The following PPFIA1 variants were observed in gnomAD, a reference collection of about 807,000 sequenced individuals.
PPFIA1 encodes the protein PPFI scaffold protein A1.
PPFIA1 carries 25 observed loss-of-function variants against 149.9 expected under a neutral mutation model. The observed-to-expected ratio is 0.17, with a 90% CI of 0.12 to 0.23. The LOEUF (loss-of-function observed/expected upper bound fraction) is 0.23, where lower values mean the gene tolerates loss of function less well. Among genes scored for constraint, PPFIA1 ranks in the 10% least tolerant of loss-of-function variants. PPFIA1 has a pLI of 1.00. For missense variants in PPFIA1, 1,362 were observed against 1,506.5 expected (o/e 0.90, Z 1.59); for synonymous variants, 549 against 552.8 (o/e 0.99, Z 0.10).
intron 2 of PPFIA1, among the ~76,000 whole-genome samples, chr11:70,303,038 T>C (rs529110671): frequency 1.3e-5 from 2 of 152,338 alleles, no homozygotes; most frequent in Admixed American, 1.3e-4. Flanking sequence ...TGTCACAGGC[T>C]GAAAGGAAAG....
rs755147763 is a variant in PPFIA1, at chr11:70,335,670, G to A, written c.1404G>A (p.Glu468=). The A allele has an allele frequency of 6.2e-7, 1 of 1,614,056 alleles. No individual in the cohort carries two copies. The highest frequency in any genetic ancestry group is 8.5e-7 in the Non-Finnish European group (1 of 1,179,986). The change falls in exon 11 of 28, where the codon GAG becomes GAA. Residue 468 remains glutamate (E), a synonymous_variant. Transcript: ENST00000253925. ...SNERLQLHLK[E]RMAALEDKNS... is the part of the protein sequence containing the mutation. ...AGAGGCTTCAACTTCATCTTAAAGA[G>A]AGAATGGCTGCTTTGGAAGATAAGG... is the stretch of plus-strand genomic sequence containing the variant.
intron 23 of PPFIA1, chr11:70,373,350 C>G (rs1181795381): frequency 6.6e-6 from 1 of 152,484 alleles, no homozygotes; most frequent in Admixed American, 6.5e-5. Context: ...GCCTTAGCCT[C>G]CCTAGTAGCT....
intron 7 of PPFIA1, 145 bp downstream of exon 7, chr11:70,326,963 G>GA: frequency 1.4e-6 from 1 of 725,004 alleles, no homozygotes; most frequent in African/African-American, 1.8e-5. Context: ...TTGAAAAAGA[G>GA]AGAGTGCTGT....
chr11:70,289,077 C>T (rs1362673735), intron 2 of PPFIA1, among the ~76,000 whole-genome samples: 2 of 151,116 alleles, frequency 1.3e-5, no homozygotes, highest in Non-Finnish European at 2.9e-5. Context: ...AAGCAATTCT[C>T]CTGCCTCACT....
At chr11:70,291,445 G>A (rs572809294) in intron 2 of PPFIA1, among the ~76,000 whole-genome samples, 54 of 152,266 alleles carry the variant, frequency 3.5e-4, no homozygotes, top group Non-Finnish European at 6.3e-4. Context: ...ATGCAGAAAG[G>A]CTTAAAGAAA....
At chr11:70,306,332 AC>A (rs1306975077) in intron 2 of PPFIA1, among the ~76,000 whole-genome samples, 2 of 152,214 alleles carry the variant, frequency 1.3e-5, no homozygotes, top group African/African-American at 4.8e-5. Context: ...AACATTAAAA[AC>A]ATTGATAGTT....
At chr11:70,324,551 G>A in intron 3 of PPFIA1, 48 bp downstream of exon 3, 1 of 1,462,236 alleles carries the variant, frequency 6.8e-7, no homozygotes, top group Non-Finnish European at 9.5e-7. Flanking sequence ...GCCACTGTCA[G>A]GAGGAGGGGC....
intron 2 of PPFIA1, among the ~76,000 whole-genome samples, chr11:70,274,626 A>G (rs1480288741): frequency 6.6e-6 from 1 of 152,172 alleles, no homozygotes; most frequent in Non-Finnish European, 1.5e-5. Context: ...AACAGACAGA[A>G]CTTATTCTTT....
At chr11:70,378,602 TACATTTTTAAGA>T (rs762805628) in intron 26 of PPFIA1, 23 of 349,946 alleles carry the variant, frequency 6.6e-5, no homozygotes, top group Non-Finnish European at 2.0e-5. Flanking sequence ...AATAACTGAG[TACATTTTTAAGA>T]ACACACAGTT....
chr11:70,307,891 A>T (rs1239224397), intron 2 of PPFIA1, among the ~76,000 whole-genome samples: 1 of 152,206 alleles, frequency 6.6e-6, no homozygotes, highest in Non-Finnish European at 1.5e-5. Context: ...ACAGCACGGC[A>T]CTCCAGCCTG....
chr11:70,337,362 C>T lies in PPFIA1; in HGVS notation c.1429-3C>T. 1 of 1,577,594 alleles carries T rather than the reference C, an allele frequency of 6.3e-7. No homozygotes were observed. Among genetic ancestry groups the T allele is most frequent in the Non-Finnish European group, 8.6e-7 (1 of 1,157,666 alleles). On this transcript the variant is annotated splice_polypyrimidine_tract_variant and splice_region_variant and intron_variant, in intron 11 of 27. Coordinates refer to ENST00000253925, the MANE Select transcript of PPFIA1 (RefSeq NM_003626.5). Reference sequence around the variant, plus strand: ...CACTAAAGGACTATCTGTCTTTTTTCAGAACTCTCTTTTAAGAGAAGTTGA... The same window carrying T: ...CACTAAAGGACTATCTGTCTTTTTTTAGAACTCTCTTTTAAGAGAAGTTGA...
In PPFIA1 at chr11:70,349,280, C is replaced by A. The variant is rs1438402957; in HGVS notation, c.2163+860C>A. Among the ~76,000 whole-genome samples, 4 of 152,154 alleles carry A rather than the reference C, an allele frequency of 2.6e-5. No homozygotes were observed. The South Asian group carries it at 6.2e-4, about 24-fold the overall frequency. ...TAGGGTCACCTCTCACCTGGAAATG[C>A]AATGACCTTCTGGTGTTTGGTGTTT... On this transcript the variant is annotated intron_variant, in intron 16 of 27. Coordinates refer to ENST00000253925, the MANE Select transcript of PPFIA1 (RefSeq NM_003626.5).
chr11:70,304,393 C>T (rs1383138763), intron 2 of PPFIA1, among the ~76,000 whole-genome samples: 1 of 152,060 alleles, frequency 6.6e-6, no homozygotes, highest in East Asian at 1.9e-4. Flanking sequence ...GTCTCAAATT[C>T]CTGGCCTTAA....
In PPFIA1 at chr11:70,272,386, G is replaced by A; in HGVS notation, c.214G>A (p.Gly72Ser). Residue 72 changes from glycine to serine, a missense_variant, in exon 2 of 28, where the codon GGT becomes AGT. By Grantham distance (56) the Gly-to-Ser change is moderately conservative. Coordinates refer to ENST00000253925, the MANE Select transcript of PPFIA1 (RefSeq NM_003626.5). ...ALTQGKLHEV[G>S]HERDSLQRQL... is the part of the protein sequence containing the mutation. ...AACCCAGGGGAAGTTACACGAGGTT[G>A]GTCATGAAAGAGATTCCTTGCAGAG... 6.2e-7 allele frequency: 1 copy of A among 1,614,166 alleles called. No homozygotes were observed. The highest frequency in any genetic ancestry group is 8.5e-7 in the Non-Finnish European group (1 of 1,180,026).
At chr11:70,335,528 G>A (rs779265969) in intron 10 of PPFIA1, 35 bp from the exon 11 acceptor site, 59 of 1,606,844 alleles carry the variant, frequency 3.7e-5, no homozygotes, top group South Asian at 2.5e-4. Context: ...GAGGATTTAC[G>A]TGAGGTTTAT....
chr11:70,381,737 G>GC (rs1173084224), intron 26 of PPFIA1, among the ~76,000 whole-genome samples: 1 of 152,250 alleles, frequency 6.6e-6, no homozygotes, highest in Admixed American at 6.5e-5. Flanking sequence ...CAGGGAGAAA[G>GC]CCCCATTGGT....
At chr11:70,333,767 C>T (rs546112786) in intron 10 of PPFIA1, among the ~76,000 whole-genome samples, 5 of 152,128 alleles carry the variant, frequency 3.3e-5, no homozygotes, top group African/African-American at 9.7e-5. Context: ...TTGGGAGCTG[C>T]GGAAGAAATT....
At chr11:70,333,323 G>A (rs1273981179) in intron 9 of PPFIA1, 147 bp from the exon 10 acceptor site, 2 of 686,354 alleles carry the variant, frequency 2.9e-6, no homozygotes, top group Admixed American at 2.1e-5. Flanking sequence ...CCCGTAGGCT[G>A]TGTTGATGGA....
chr11:70,352,650 C>T (rs1483393905), intron 16 of PPFIA1, among the ~76,000 whole-genome samples: 2 of 151,924 alleles, frequency 1.3e-5, no homozygotes, highest in African/African-American at 4.8e-5. Context: ...AAGAGGACTT[C>T]CCTGCTTTCT....
Sources: gnomAD v4.1 joint callset for allele counts (sites outside exome capture counted in the v4.1 genomes callset) on GRCh38, gnomAD v4.1.1 for gene constraint, MANE v1.5 for transcripts, NCBI Gene and HGNC (gene_info 2026-07-23, HGNC 2026-07-21) for gene names.